GRID2: variants seen among roughly 807,000 people sequenced by gnomAD.
The protein encoded by GRID2 is glutamate receptor ionotropic, delta-2.
In GRID2, 33 loss-of-function variants were observed where a neutral mutation model predicts 114.8. The observed-to-expected ratio is 0.29, with a 90% CI of 0.22 to 0.38. GRID2 has a LOEUF of 0.38. Among genes scored for constraint, GRID2 ranks in the 10% least tolerant of loss-of-function variants. The probability of loss-of-function intolerance (pLI) is 1.00; values close to 1 mark genes in which losing one functional copy is unlikely to be tolerated. For synonymous variants in GRID2, 505 were observed against 449.9 expected (o/e 1.12, Z -1.55); for missense variants, 1,184 against 1,257.7 (o/e 0.94, Z 0.89).
chr4:93,515,455 TC>T, intron 13 of GRID2, 44 bp downstream of exon 13: 1 of 1,285,120 alleles, frequency 7.8e-7, no homozygotes, highest in Non-Finnish European at 1.1e-6. Context: ...CCATTTTGTG[TC>T]CCATGCTGGA....
intron 8 of GRID2, among the ~76,000 whole-genome samples, chr4:93,329,095 T>G (rs368165296): frequency 1.3e-5 from 2 of 152,038 alleles, no homozygotes; most frequent in East Asian, 1.9e-4. Flanking sequence ...GAAGCATCAA[T>G]TAGAGACTTA....
At chr4:93,043,352 A>G (rs1725787772) in intron 2 of GRID2, among the ~76,000 whole-genome samples, 1 of 152,180 alleles carries the variant, frequency 6.6e-6, no homozygotes, top group Admixed American at 6.6e-5. Flanking sequence ...CTTGCCCTCA[A>G]TAAACTTATA....
intron 2 of GRID2, among the ~76,000 whole-genome samples, chr4:92,928,524 A>G (rs531750980): frequency 1.3e-5 from 2 of 151,610 alleles, no homozygotes; most frequent in Non-Finnish European, 3.0e-5. Flanking sequence ...TGCTGTGCCA[A>G]TGTAGTTCTG....
chr4:93,501,339 C>T (rs1448782804), intron 12 of GRID2, among the ~76,000 whole-genome samples: 1 of 151,904 alleles, frequency 6.6e-6, no homozygotes, highest in Non-Finnish European at 1.5e-5. Context: ...TAGGGAATTG[C>T]ACACTTTATT....
At chr4:93,185,171 G>T (rs1740284777) in intron 4 of GRID2, among the ~76,000 whole-genome samples, 1 of 151,950 alleles carries the variant, frequency 6.6e-6, no homozygotes. Flanking sequence ...TATTTATTTT[G>T]AATCAAAATC....
At chr4:93,663,962 G>T (rs892084948) in intron 14 of GRID2, among the ~76,000 whole-genome samples, 1 of 152,060 alleles carries the variant, frequency 6.6e-6, no homozygotes, top group African/African-American at 2.4e-5. Flanking sequence ...GGATTCTAGT[G>T]CTACAAAGGA....
chr4:92,992,942 C>T (rs1754994531), intron 2 of GRID2, among the ~76,000 whole-genome samples: 1 of 151,998 alleles, frequency 6.6e-6, no homozygotes, highest in Non-Finnish European at 1.5e-5. Flanking sequence ...TACCTTCTAG[C>T]AGTAATAAAA....
chr4:93,429,870 G>A (rs538047030), intron 10 of GRID2, among the ~76,000 whole-genome samples: 42 of 152,220 alleles, frequency 2.8e-4, no homozygotes, highest in Non-Finnish European at 5.3e-4. Context: ...GCCCACCCAC[G>A]TGGTTTCATG....
intron 2 of GRID2, among the ~76,000 whole-genome samples, chr4:92,826,365 T>C (rs770661825): frequency 1.2e-4 from 18 of 152,236 alleles, no homozygotes; most frequent in South Asian, 4.1e-4. Context: ...GGATGCACCA[T>C]CTAATGACGT....
At chr4:93,250,958 A>G (rs1264197637) in intron 8 of GRID2, among the ~76,000 whole-genome samples, 2 of 151,822 alleles carry the variant, frequency 1.3e-5, no homozygotes, top group African/African-American at 2.4e-5. Context: ...TCAAATGTGC[A>G]GTATTTTTAC....
At chr4:93,008,520 A>G (rs1467565463) in intron 2 of GRID2, among the ~76,000 whole-genome samples, 2 of 151,792 alleles carry the variant, frequency 1.3e-5, no homozygotes, top group Non-Finnish European at 2.9e-5. Flanking sequence ...TGTGTTTTTT[A>G]AACTGTTCCT....
intron 4 of GRID2, among the ~76,000 whole-genome samples, chr4:93,181,940 T>C (rs544351802): frequency 6.6e-6 from 1 of 152,250 alleles, no homozygotes; most frequent in South Asian, 2.1e-4. Context: ...TTCCAATATT[T>C]ACAAAATATG....
At chr4:93,116,811 T>G (rs905619848) in intron 4 of GRID2, among the ~76,000 whole-genome samples, 3 of 151,354 alleles carry the variant, frequency 2.0e-5, no homozygotes, top group African/African-American at 7.3e-5. Flanking sequence ...GAGGCAAGAG[T>G]TATAGTGCTG....
intron 1 of GRID2, among the ~76,000 whole-genome samples, chr4:92,424,508 G>C (rs1438460421): frequency 6.6e-6 from 1 of 151,932 alleles, no homozygotes; most frequent in Non-Finnish European, 1.5e-5. Flanking sequence ...TGCTCATGAT[G>C]ATGACTACAG....
rs115882856 is a variant in GRID2, at chr4:92,312,095, C to T, written c.88+7351C>T. On this transcript the variant is annotated intron_variant, in intron 1 of 15. Transcript: ENST00000282020. ...CAGTCAGAGGATATAGCAAGAATGA[C>T]GGCCATGAGATAAGACACTAAGAAA... is the stretch of plus-strand genomic sequence containing the variant. 5.8e-3 allele frequency among the ~76,000 whole-genome samples: 881 copies of T among 151,870 alleles called. 4 individuals are homozygous for T. Among genetic ancestry groups the T allele is most frequent in the African/African-American group, 0.021 (852 of 41,418 alleles).
chr4:92,860,596 C>G (rs1560646710), intron 2 of GRID2, among the ~76,000 whole-genome samples: 1 of 152,080 alleles, frequency 6.6e-6, no homozygotes, highest in Admixed American at 6.5e-5. Flanking sequence ...TGAAACTTAT[C>G]TATGAAATGT....
At chr4:92,679,826 A>C (rs1368571196) in intron 2 of GRID2, among the ~76,000 whole-genome samples, 5 of 152,076 alleles carry the variant, frequency 3.3e-5, no homozygotes, top group Non-Finnish European at 7.4e-5. Context: ...AAAATAAGAA[A>C]ATTGGAATGG....
chr4:93,163,313 G>C (rs1315249947), intron 4 of GRID2, among the ~76,000 whole-genome samples: 1 of 138,092 alleles, frequency 7.2e-6, no homozygotes, highest in African/African-American at 2.8e-5. Context: ...AAGACAGTAA[G>C]ATTATAAATG....
chr4:92,548,400 A>AGTTTTTTTTTTTTT (rs1726384815), intron 1 of GRID2, among the ~76,000 whole-genome samples: 1 of 5,918 alleles, frequency 1.7e-4, no homozygotes, highest in Non-Finnish European at 2.9e-4. Context: ...GAGACTGTGT[A>AGTTTTTTTTTTTTT]ATTTTTTTTT....
Sources: gnomAD v4.1 joint callset for allele counts (sites outside exome capture counted in the v4.1 genomes callset) on GRCh38, gnomAD v4.1.1 for gene constraint, MANE v1.5 for transcripts, NCBI Gene and HGNC (gene_info 2026-07-23, HGNC 2026-07-21) for gene names.